Variants in TMEM43 observed in about 807,000 individuals in gnomAD.
TMEM43 encodes arrhythmogenic right ventricular dysplasia 5.
Under a neutral mutation model 49.6 loss-of-function variants are expected in TMEM43, and 45 were observed. The ratio of observed to expected loss-of-function variants is 0.91; its 90% CI spans 0.71 to 1.16. TMEM43 has a LOEUF of 1.16. Among genes scored for constraint, TMEM43 ranks in the 50% most tolerant of loss-of-function variants. The pLI is 0.00. For synonymous variants in TMEM43, 199 were observed against 207.8 expected (o/e 0.96, Z 0.36); for missense variants, 532 against 516.6 (o/e 1.03, Z -0.29).
At position 14,141,975 on chromosome 3, in the gene TMEM43, T is replaced by C. The variant is rs528602745; in HGVS notation, c.*180T>C. On this transcript the variant is annotated 3_prime_UTR_variant, in exon 12 of 12. Coordinates refer to ENST00000306077, the MANE Select transcript of TMEM43 (RefSeq NM_024334.3). ...CCAGGTTGGTGTTCACCAGCTCATG[T>C]CTTCCCCACATCTCTTCTTGCCAGT... The C allele has an allele frequency of 1.6e-6, 1 of 623,036 alleles. No individual in the cohort carries two copies. The highest frequency in any genetic ancestry group is 1.8e-5 in the African/African-American group (1 of 54,442). 38.6% of individuals were successfully genotyped at this position (623,036 alleles called of 1,614,324 possible).
At chr3:14,138,756 G>A (rs1050301490) in intron 10 of TMEM43, among the ~76,000 whole-genome samples, 3 of 152,222 alleles carry the variant, frequency 2.0e-5, no homozygotes, top group Non-Finnish European at 4.4e-5. Flanking sequence ...GAGGGGCAGC[G>A]ACAGCGATGG....
chr3:14,129,627 G>A, intron 2 of TMEM43, 66 bp downstream of exon 2: 1 of 1,578,416 alleles, frequency 6.3e-7, no homozygotes, highest in Non-Finnish European at 8.7e-7. Context: ...CAAAGGCGAT[G>A]AACCCGGAGG....
At position 14,142,509 on chromosome 3, in the gene TMEM43, C is replaced by T. The variant is rs1268740795; in HGVS notation, c.*714C>T. ...GTTTTTCTTCGTTACTTTGCTGCTT[C>T]ATGTGTACTTTCCTACCCCAAGAGG... On this transcript the variant is annotated 3_prime_UTR_variant, in exon 12 of 12. Coordinates refer to ENST00000306077, the MANE Select transcript of TMEM43 (RefSeq NM_024334.3). 2 of 152,662 alleles carry T rather than the reference C, an allele frequency of 1.3e-5. No individual in the cohort carries two copies. Among genetic ancestry groups the T allele is most frequent in the South Asian group, 2.1e-4 (1 of 4,824 alleles). 9.5% of individuals were successfully genotyped at this position (152,662 alleles called of 1,614,324 possible).
intron 4 of TMEM43, 40 bp from the exon 5 acceptor site, chr3:14,132,506 G>T (rs373911134): frequency 1.9e-6 from 3 of 1,612,058 alleles, no homozygotes; most frequent in Non-Finnish European, 2.5e-6. Context: ...TGCCTGGGGC[G>T]ACGAGGCTAA....
At position 14,125,063 on chromosome 3, in the gene TMEM43, C is replaced by A; in HGVS notation, c.-131C>A. On this transcript the variant is annotated 5_prime_UTR_variant, in exon 1 of 12. Coordinates refer to ENST00000306077, the MANE Select transcript of TMEM43 (RefSeq NM_024334.3). The stretch of plus-strand genomic sequence containing the variant: ...AGGGGGAGGTAACTGCAGTAAGTCC[C>A]GCTTGGCCCTGGAGTCCACGCGGAT... 8.2e-7 allele frequency: 1 copy of A among 1,216,502 alleles called. No individual in the cohort carries two copies. Among genetic ancestry groups the A allele is most frequent in the Non-Finnish European group, 1.2e-6 (1 of 847,360 alleles). 75.4% of individuals were successfully genotyped at this position (1,216,502 alleles called of 1,614,324 possible).
At chr3:14,135,334 C>T in intron 9 of TMEM43, 102 bp downstream of exon 9, 1 of 989,208 alleles carries the variant, frequency 1.0e-6, no homozygotes, top group Non-Finnish European at 1.6e-6. Context: ...CCCCTTTTCC[C>T]TGGGGAAAGG....
At chr3:14,136,890 G>A (rs1341493820) in intron 10 of TMEM43, among the ~76,000 whole-genome samples, 1 of 149,226 alleles carries the variant, frequency 6.7e-6, no homozygotes, top group Non-Finnish European at 1.5e-5. Flanking sequence ...TTAAAAGTTA[G>A]CCTGTCTTCT....
chr3:14,141,882 G>A lies in TMEM43; in HGVS notation c.*87G>A. 1.4e-6 allele frequency: 2 copies of A among 1,404,370 alleles called. No homozygotes were observed. Among genetic ancestry groups the A allele is most frequent in the Non-Finnish European group, 9.7e-7 (1 of 1,033,780 alleles). 87.0% of individuals were successfully genotyped at this position (1,404,370 alleles called of 1,614,324 possible). ...CTGACCCAGCTCCATGCCAGAGCAG[G>A]AGCCCCGGTCAATTTTGGACTCTGC... is the stretch of plus-strand genomic sequence containing the variant. On this transcript the variant is annotated 3_prime_UTR_variant, in exon 12 of 12. Coordinates refer to ENST00000306077, the MANE Select transcript of TMEM43 (RefSeq NM_024334.3).
At chr3:14,141,445 C>G (rs914079648) in intron 11 of TMEM43, 148 bp from the exon 12 acceptor site, 12 of 822,888 alleles carry the variant, frequency 1.5e-5, no homozygotes, top group Non-Finnish European at 6.0e-6. Flanking sequence ...GCTTTCAGAA[C>G]GAAGCTCCTT....
chr3:14,133,160 T>C (rs1695120008), intron 6 of TMEM43, among the ~76,000 whole-genome samples: 1 of 152,200 alleles, frequency 6.6e-6, no homozygotes, highest in South Asian at 2.1e-4. Context: ...ATATAAGGCC[T>C]GCACTAAGCG....
Position 14,142,600 on chromosome 3 carries a change from G to GA in TMEM43, c.*808dup, listed in dbSNP as rs1404607540. 1 of 152,634 alleles carries GA rather than the reference G, an allele frequency of 6.6e-6. No homozygotes were observed. Among genetic ancestry groups the GA allele is most frequent in the Non-Finnish European group, 1.5e-5 (1 of 68,026 alleles). 9.5% of individuals were successfully genotyped at this position (152,634 alleles called of 1,614,324 possible). A position where few individuals can be genotyped will look rare whatever the true frequency, so the allele number is the denominator to read the frequency against. The stretch of plus-strand genomic sequence containing the variant: ...CACTTAATATTTCAGACTGTTACAG[G>GA]AAACACCCTTTAGTCTGTCAGTTGA... On this transcript the variant is annotated 3_prime_UTR_variant, in exon 12 of 12. Coordinates refer to ENST00000306077, the MANE Select transcript of TMEM43 (RefSeq NM_024334.3).
chr3:14,135,783 T>A, intron 9 of TMEM43, 24 bp from the exon 10 acceptor site: 1 of 1,606,716 alleles, frequency 6.2e-7, no homozygotes, highest in Non-Finnish European at 8.5e-7. Flanking sequence ...ACCCCTCAGC[T>A]CTAACACCAG....
At chr3:14,141,385 G>A (rs1383190803) in intron 11 of TMEM43, among the ~76,000 whole-genome samples, 2 of 152,180 alleles carry the variant, frequency 1.3e-5, no homozygotes, top group African/African-American at 2.4e-5. Context: ...GGTGGCTTAG[G>A]CAATGTGCCC....
Position 14,141,990 on chromosome 3 carries a change from T to G in TMEM43, c.*195T>G. The G allele has an allele frequency of 1.6e-6, 1 of 606,558 alleles. No homozygotes were observed. The highest frequency in any genetic ancestry group is 2.9e-6 in the Non-Finnish European group (1 of 344,534). 37.6% of individuals were successfully genotyped at this position (606,558 alleles called of 1,614,324 possible). A position where few individuals can be genotyped will look rare whatever the true frequency, so the allele number is the denominator to read the frequency against. On this transcript the variant is annotated 3_prime_UTR_variant, in exon 12 of 12. Transcript: ENST00000306077. Reference sequence around the variant, plus strand: ...CCAGCTCATGTCTTCCCCACATCTCTTCTTGCCAGTAAGCAGCTTTGGTGG... The same window carrying G: ...CCAGCTCATGTCTTCCCCACATCTCGTCTTGCCAGTAAGCAGCTTTGGTGG...
At chr3:14,132,841 T>G (rs746579064) in intron 5 of TMEM43, 25 bp from the exon 6 acceptor site, 3 of 1,612,136 alleles carry the variant, frequency 1.9e-6, no homozygotes, top group Non-Finnish European at 8.5e-7. Flanking sequence ...ACCCGGGCTC[T>G]GAGTTGATTC....
intron 3 of TMEM43, 105 bp downstream of exon 3, chr3:14,131,061 G>T: frequency 7.0e-7 from 1 of 1,432,258 alleles, no homozygotes; most frequent in East Asian, 2.3e-5. Context: ...GTCACACATG[G>T]GAGTGATTCC....
intron 11 of TMEM43, 24 bp downstream of exon 11, chr3:14,139,321 C>T: frequency 2.0e-6 from 3 of 1,530,556 alleles, no homozygotes; most frequent in Non-Finnish European, 2.7e-6. Context: ...TGGGTCACTG[C>T]CCTCCCTCCT....
Position 14,142,881 on chromosome 3 carries a change from T to C in TMEM43, c.*1086T>C, listed in dbSNP as rs189766472. The C allele has an allele frequency of 2.6e-5, 4 of 152,406 alleles. No homozygotes were observed. Among genetic ancestry groups the C allele is most frequent in the Admixed American group, 2.6e-4 (4 of 15,308 alleles). The allele number at this position is 152,406 out of a possible 1,614,324, so 9.4% of individuals were successfully genotyped here. ...ACGATTAAGAGAAAAGGTTGGAAGCTTTATACTAAATGGGCTCCTTCATGG... is the reference window on the plus strand; with the variant it reads ...ACGATTAAGAGAAAAGGTTGGAAGCCTTATACTAAATGGGCTCCTTCATGG... On this transcript the variant is annotated 3_prime_UTR_variant, in exon 12 of 12. Transcript: ENST00000306077.
rs1695063152 is a variant in TMEM43 at position 14,129,440 on chromosome 3, A to G, written c.41A>G (p.His14Arg). The change falls in exon 2 of 12, where the codon CAT (histidine) becomes CGT (arginine). Residue 14 changes from histidine to arginine, a missense_variant. Coordinates refer to ENST00000306077, the MANE Select transcript of TMEM43 (RefSeq NM_024334.3). ...NYSSTSTRREHVKVKTSSQPG... is the reference protein window; with the variant it reads ...NYSSTSTRRERVKVKTSSQPG... ...TCCAGTACCAGTACCCGGAGAGAAC[A>G]TGTCAAAGTTAAAACCAGCTCCCAG... 1 of 1,613,718 alleles carries G rather than the reference A, an allele frequency of 6.2e-7. No individual in the cohort carries two copies.
Sources: gnomAD v4.1 joint callset for allele counts (sites outside exome capture counted in the v4.1 genomes callset) on GRCh38, gnomAD v4.1.1 for gene constraint, MANE v1.5 for transcripts, NCBI Gene and HGNC (gene_info 2026-07-23, HGNC 2026-07-21) for gene names.